Variants in GRIK4 observed in about 807,000 individuals in gnomAD.
The protein encoded by GRIK4 is glutamate ionotropic receptor kainate type subunit 4, also known as glutamate receptor ionotropic, kainate 4.
In GRIK4, 40 loss-of-function variants were observed where a neutral mutation model predicts 104.9. That is an observed-to-expected ratio of 0.38 (90% confidence interval 0.30 to 0.50). GRIK4 has a LOEUF of 0.50. Among genes scored for constraint, GRIK4 ranks in the 20% least tolerant of loss-of-function variants. The probability of loss-of-function intolerance (pLI) is 0.93; values close to 1 mark genes in which losing one functional copy is unlikely to be tolerated. For synonymous variants in GRIK4, 485 were observed against 524.9 expected (o/e 0.92, Z 1.04); for missense variants, 1,047 against 1,308.1 (o/e 0.80, Z 3.08).
chr11:120,714,460 A>G (rs1334351461), intron 3 of GRIK4, among the ~76,000 whole-genome samples: 4 of 152,240 alleles, frequency 2.6e-5, no homozygotes, highest in African/African-American at 7.2e-5. Context: ...GCCATGTGCT[A>G]TGAATCTAGT....
intron 13 of GRIK4, among the ~76,000 whole-genome samples, chr11:120,928,992 C>CAG (rs1565445084): frequency 2.6e-4 from 38 of 147,696 alleles, no homozygotes; most frequent in African/African-American, 9.9e-4. Flanking sequence ...TGTGTGTGCG[C>CAG]GCGTGCACGC....
intron 8 of GRIK4, among the ~76,000 whole-genome samples, chr11:120,860,962 C>T (rs940334242): frequency 2.6e-5 from 4 of 152,244 alleles, no homozygotes; most frequent in African/African-American, 7.2e-5. Flanking sequence ...CCCAGGCCCC[C>T]TTGTATCCAG....
At chr11:120,677,336 A>G (rs1428639752) in intron 3 of GRIK4, among the ~76,000 whole-genome samples, 5 of 152,186 alleles carry the variant, frequency 3.3e-5, no homozygotes. Flanking sequence ...TCTAGAGAGA[A>G]TAACATCCCG....
intron 8 of GRIK4, among the ~76,000 whole-genome samples, chr11:120,857,750 C>T (rs1175538550): frequency 6.6e-6 from 1 of 152,170 alleles, no homozygotes; most frequent in African/African-American, 2.4e-5. Context: ...ATCAACTGTC[C>T]TCAAAACAGC....
At chr11:120,955,527 G>A (rs999568015) in intron 15 of GRIK4, among the ~76,000 whole-genome samples, 16 of 152,222 alleles carry the variant, frequency 1.1e-4, no homozygotes, top group Admixed American at 7.2e-4. Context: ...AAGGCTTTGC[G>A]TACAAGATGG....
intron 1 of GRIK4, among the ~76,000 whole-genome samples, chr11:120,582,732 C>T (rs914881229): frequency 5.9e-5 from 9 of 152,108 alleles, no homozygotes; most frequent in African/African-American, 2.2e-4. Context: ...TGTATATGTA[C>T]CACATTTTCT....
At chr11:120,562,262 C>T (rs1203063454) in intron 1 of GRIK4, among the ~76,000 whole-genome samples, 1 of 152,250 alleles carries the variant, frequency 6.6e-6, no homozygotes, top group Non-Finnish European at 1.5e-5. Context: ...TGACATTTCA[C>T]TAACTCCAAA....
At chr11:120,705,266 T>C (rs1950610740) in intron 3 of GRIK4, among the ~76,000 whole-genome samples, 1 of 151,552 alleles carries the variant, frequency 6.6e-6, no homozygotes, top group African/African-American at 2.4e-5. Context: ...AGTTTCACTG[T>C]TGTCTTGCAG....
At chr11:120,721,037 A>G (rs1950924349) in intron 3 of GRIK4, among the ~76,000 whole-genome samples, 1 of 152,178 alleles carries the variant, frequency 6.6e-6, no homozygotes, top group Non-Finnish European at 1.5e-5. Context: ...AGAGTAACTG[A>G]GCAGCACCAG....
At chr11:120,546,822 A>T (rs1357126153) in intron 1 of GRIK4, among the ~76,000 whole-genome samples, 1 of 152,162 alleles carries the variant, frequency 6.6e-6, no homozygotes, top group Non-Finnish European at 1.5e-5. Flanking sequence ...ATTTGTGGGG[A>T]ACTTCAGGCC....
chr11:120,832,708 C>T (rs1222116303), intron 7 of GRIK4, among the ~76,000 whole-genome samples: 15 of 152,154 alleles, frequency 9.9e-5, no homozygotes, highest in African/African-American at 1.4e-4. Context: ...GCAGTGCCAG[C>T]CCCTGAGTCA....
At chr11:120,882,936 C>G (rs1955007407) in intron 11 of GRIK4, among the ~76,000 whole-genome samples, 1 of 152,200 alleles carries the variant, frequency 6.6e-6, no homozygotes, top group Non-Finnish European at 1.5e-5. Flanking sequence ...GTACCCACTC[C>G]CATTTCTCAC....
chr11:120,716,572 T>C (rs1321913299), intron 3 of GRIK4, among the ~76,000 whole-genome samples: 2 of 152,202 alleles, frequency 1.3e-5, no homozygotes, highest in Non-Finnish European at 2.9e-5. Context: ...GTGACTGCTA[T>C]GTGCAGGCTC....
chr11:120,951,306 C>T (rs1399690676), intron 14 of GRIK4, among the ~76,000 whole-genome samples: 1 of 152,246 alleles, frequency 6.6e-6, no homozygotes, highest in Non-Finnish European at 1.5e-5. Flanking sequence ...GAACTGTCTC[C>T]TCCCACCTGC....
chr11:120,767,606 C>CA (rs1312752834), intron 3 of GRIK4, among the ~76,000 whole-genome samples: 3 of 151,812 alleles, frequency 2.0e-5, no homozygotes, highest in Non-Finnish European at 2.9e-5. Context: ...GTGTGCTATC[C>CA]AAAAAAATCA....
chr11:120,933,707 C>G (rs1943528881), intron 13 of GRIK4, among the ~76,000 whole-genome samples: 1 of 152,172 alleles, frequency 6.6e-6, no homozygotes, highest in Non-Finnish European at 1.5e-5. Context: ...TTTTGACTCT[C>G]ACATAATATT....
chr11:120,784,357 G>A (rs1284192963), intron 3 of GRIK4, among the ~76,000 whole-genome samples: 1 of 152,128 alleles, frequency 6.6e-6, no homozygotes, highest in Non-Finnish European at 1.5e-5. Context: ...CTCCAAGGTG[G>A]AAACAATCGA....
At chr11:120,855,720 G>C (rs542726635) in intron 8 of GRIK4, among the ~76,000 whole-genome samples, 9 of 152,070 alleles carry the variant, frequency 5.9e-5, no homozygotes, top group Admixed American at 5.9e-4. Flanking sequence ...ACACAACCAC[G>C]CCCAGCTAAT....
At chr11:120,863,531 T>C (rs1441174141) in intron 9 of GRIK4, among the ~76,000 whole-genome samples, 1 of 152,146 alleles carries the variant, frequency 6.6e-6, no homozygotes, top group Admixed American at 6.5e-5. Context: ...ATTTGTTGAA[T>C]GAATGAGTGA....
Sources: gnomAD v4.1 joint callset for allele counts (sites outside exome capture counted in the v4.1 genomes callset) on GRCh38, gnomAD v4.1.1 for gene constraint, MANE v1.5 for transcripts, NCBI Gene and HGNC (gene_info 2026-07-23, HGNC 2026-07-21) for gene names.